Variants in CCBE1 observed in about 807,000 individuals in gnomAD.
CCBE1 encodes the protein collagen and calcium binding EGF domains 1.
CCBE1 carries 37 observed loss-of-function variants against 50.0 expected under a neutral mutation model. That is an observed-to-expected ratio of 0.74 (90% CI 0.57 to 0.97). The LOEUF is 0.97. CCBE1 is among the 50% of genes least tolerant of loss of function. CCBE1 has a pLI of 0.00. For synonymous variants in CCBE1, 234 were observed against 203.7 expected (o/e 1.15, Z -1.27); for missense variants, 538 against 523.8 (o/e 1.03, Z -0.26).
At chr18:59,598,308 CGCCCCCTCACCGCTGTGGGAAGCT>C (rs2053384421) in intron 2 of CCBE1, among the ~76,000 whole-genome samples, 1 of 152,176 alleles carries the variant, frequency 6.6e-6, no homozygotes, top group South Asian at 2.1e-4. Context: ...TACAGAAAGT[CGCCCCCTCACCGCTGTGGGAAGCT>C]GCCATATGAA....
At chr18:59,510,263 A>C (rs1051632668) in intron 2 of CCBE1, among the ~76,000 whole-genome samples, 1 of 152,202 alleles carries the variant, frequency 6.6e-6, no homozygotes, top group Admixed American at 6.5e-5. Flanking sequence ...GAGTTCTGAC[A>C]GAGGGAGCAG....
intron 2 of CCBE1, among the ~76,000 whole-genome samples, chr18:59,669,673 C>T (rs997079534): frequency 2.0e-5 from 3 of 152,226 alleles, no homozygotes; most frequent in South Asian, 2.1e-4. Context: ...GCTCTCAACC[C>T]GGACATCATG....
chr18:59,551,758 G>C (rs1414677766), intron 2 of CCBE1, among the ~76,000 whole-genome samples: 1 of 152,180 alleles, frequency 6.6e-6, no homozygotes, highest in Non-Finnish European at 1.5e-5. Flanking sequence ...GACAAACGAA[G>C]GGGAATTCAA....
Position 59,435,785 on chromosome 18 carries a change from C to T in CCBE1, c.*123G>A, listed in dbSNP as rs1159873502. Reference sequence around the variant, plus strand: ...TGGAAGAAGAGGAGTGGAGAGACGTCAGGAGAAGAGAAGAGAAAAATGTAT... The same window carrying T: ...TGGAAGAAGAGGAGTGGAGAGACGTTAGGAGAAGAGAAGAGAAAAATGTAT... On this transcript the variant is annotated 3_prime_UTR_variant, in exon 11 of 11. Coordinates refer to ENST00000439986, the MANE Select transcript of CCBE1 (RefSeq NM_133459.4). 2 of 890,316 alleles carry T rather than the reference C, an allele frequency of 2.2e-6. No individual in the cohort carries two copies. The highest frequency in any genetic ancestry group is 1.7e-5 in the Admixed American group (1 of 58,066). 55.2% of individuals were successfully genotyped at this position (890,316 alleles called of 1,614,324 possible). A position where few individuals can be genotyped will look rare whatever the true frequency, so the allele number is the denominator to read the frequency against.
At chr18:59,514,900 G>A (rs1914302591) in intron 2 of CCBE1, among the ~76,000 whole-genome samples, 1 of 151,954 alleles carries the variant, frequency 6.6e-6, no homozygotes, top group African/African-American at 2.4e-5. Flanking sequence ...CCTGATCCTA[G>A]CTCACTTTAC....
intron 2 of CCBE1, among the ~76,000 whole-genome samples, chr18:59,509,193 C>T (rs1026106320): frequency 5.3e-5 from 8 of 152,148 alleles, no homozygotes; most frequent in Admixed American, 3.3e-4. Context: ...CCACAGAAGG[C>T]AGTGGCTGCC....
At chr18:59,657,074 C>A (rs1262528841) in intron 2 of CCBE1, among the ~76,000 whole-genome samples, 2 of 152,212 alleles carry the variant, frequency 1.3e-5, no homozygotes, top group Non-Finnish European at 2.9e-5. Context: ...CTGCCTTGAG[C>A]CTTCCATTTC....
At chr18:59,501,137 GA>G (rs1185755763) in intron 2 of CCBE1, among the ~76,000 whole-genome samples, 1 of 152,216 alleles carries the variant, frequency 6.6e-6, no homozygotes. Context: ...AGATCTGAAT[GA>G]GAAGAAATGC....
chr18:59,665,182 G>A lies in CCBE1; in HGVS notation c.212+31447C>T, dbSNP rs578058185. 1.8e-4 allele frequency among the ~76,000 whole-genome samples: 10 copies of A among 54,856 alleles called. No homozygotes were observed. The East Asian group carries it at 2.5e-3, about 14-fold the overall frequency. 36.0% of individuals were successfully genotyped at this position (54,856 alleles called of 152,430 possible). ...GTTCCCTGTCAACCAGAGTCCCCCC[G>A]AGACAAAAGCTCACGCAAGAGGATG... On this transcript the variant is annotated intron_variant, in intron 2 of 10. Coordinates refer to ENST00000439986, the MANE Select transcript of CCBE1 (RefSeq NM_133459.4).
chr18:59,633,136 C>T (rs933029658), intron 2 of CCBE1, among the ~76,000 whole-genome samples: 19 of 152,184 alleles, frequency 1.2e-4, no homozygotes, highest in African/African-American at 4.6e-4. Flanking sequence ...GGGAGAGTAT[C>T]TTGTAAAATC....
intron 2 of CCBE1, among the ~76,000 whole-genome samples, chr18:59,512,511 C>T (rs539844901): frequency 6.6e-6 from 1 of 152,360 alleles, no homozygotes; most frequent in East Asian, 1.9e-4. Context: ...AACCCCACTG[C>T]CCTCAACTCA....
chr18:59,588,766 G>A (rs889865264), intron 2 of CCBE1, among the ~76,000 whole-genome samples: 3 of 152,254 alleles, frequency 2.0e-5, no homozygotes, highest in Admixed American at 1.3e-4. Flanking sequence ...CTCCAGCAGT[G>A]CCAAGTGACC....
chr18:59,561,835 A>G (rs1440770495), intron 2 of CCBE1, among the ~76,000 whole-genome samples: 1 of 152,220 alleles, frequency 6.6e-6, no homozygotes, highest in African/African-American at 2.4e-5. Context: ...GGCCAGCTCA[A>G]GCAGCCGAGA....
intron 2 of CCBE1, among the ~76,000 whole-genome samples, chr18:59,530,361 G>A (rs1213066409): frequency 6.6e-6 from 1 of 152,062 alleles, no homozygotes; most frequent in Non-Finnish European, 1.5e-5. Flanking sequence ...TTGTGAAGTA[G>A]GTGATGCCAC....
chr18:59,614,065 G>A (rs1481769160), intron 2 of CCBE1, among the ~76,000 whole-genome samples: 1 of 152,104 alleles, frequency 6.6e-6, no homozygotes, highest in East Asian at 1.9e-4. Flanking sequence ...GAGTGCAGTA[G>A]TGCGATCTCG....
intron 2 of CCBE1, among the ~76,000 whole-genome samples, chr18:59,654,342 G>C (rs900750634): frequency 2.6e-5 from 4 of 152,206 alleles, no homozygotes; most frequent in Non-Finnish European, 5.9e-5. Flanking sequence ...AAAGAACTGG[G>C]AAAAACAGCC....
chr18:59,573,530 T>C (rs1200657010), intron 2 of CCBE1, among the ~76,000 whole-genome samples: 1 of 151,796 alleles, frequency 6.6e-6, no homozygotes, highest in Non-Finnish European at 1.5e-5. Context: ...AATAAACTTC[T>C]CTGTTTCTCT....
At chr18:59,452,808 C>T (rs1467720399) in intron 6 of CCBE1, among the ~76,000 whole-genome samples, 1 of 152,128 alleles carries the variant, frequency 6.6e-6, no homozygotes, top group Non-Finnish European at 1.5e-5. Context: ...TAATAGGAAC[C>T]TTTAGAAATA....
chr18:59,480,221 C>A lies in CCBE1; in HGVS notation c.230G>T (p.Gly77Val). The A allele has an allele frequency of 6.3e-7, 1 of 1,598,328 alleles. No individual in the cohort carries two copies. The highest frequency in any genetic ancestry group is 1.1e-5 in the South Asian group (1 of 90,562). ...GCATTGTCCAAGAACAAATTTATATCCTTTGCAGCACTTTTTCCTAAGAGA... is the reference window on the plus strand; with the variant it reads ...GCATTGTCCAAGAACAAATTTATATACTTTGCAGCACTTTTTCCTAAGAGA... ...TTCYRKKCCKGYKFVLGQCIP... is the reference protein window; with the variant it reads ...TTCYRKKCCKVYKFVLGQCIP... The change falls in exon 3 of 11, where the codon GGA becomes GTA. Residue 77 changes from glycine (G) to valine (V), a missense_variant. Coordinates refer to ENST00000439986, the MANE Select transcript of CCBE1 (RefSeq NM_133459.4).
Sources: gnomAD v4.1 joint callset for allele counts (sites outside exome capture counted in the v4.1 genomes callset) on GRCh38, gnomAD v4.1.1 for gene constraint, MANE v1.5 for transcripts, NCBI Gene and HGNC (gene_info 2026-07-23, HGNC 2026-07-21) for gene names.